Variants in SSBP3 observed in about 807,000 individuals in gnomAD.
SSBP3 encodes the protein single-stranded DNA-binding protein 3.
SSBP3 carries 5 observed loss-of-function variants against 69.6 expected under a neutral mutation model. That is an observed-to-expected ratio of 0.07 (90% CI 0.04 to 0.15). The LOEUF (loss-of-function observed/expected upper bound fraction) is 0.15, where lower values mean the gene tolerates loss of function less well. Among genes scored for constraint, SSBP3 ranks in the 10% least tolerant of loss-of-function variants. The pLI is 1.00. For missense variants in SSBP3, 312 were observed against 534.0 expected (o/e 0.58, Z 4.10); for synonymous variants, 196 against 193.4 (o/e 1.01, Z -0.11).
At chr1:54,408,896 C>T (rs1291555197), upstream of SSBP3, among the ~76,000 whole-genome samples, 1 of 152,152 alleles carries the variant, frequency 6.6e-6, no homozygotes, top group Non-Finnish European at 1.5e-5. Context: ...GTTGGTAGAT[C>T]CCTTGTTGGA....
chr1:54,277,165 A>G (rs1427508158), intron 5 of SSBP3, among the ~76,000 whole-genome samples: 1 of 151,288 alleles, frequency 6.6e-6, no homozygotes, highest in Non-Finnish European at 1.5e-5. Flanking sequence ...GGACTACATC[A>G]GGGATGGCAA....
intron 4 of SSBP3, among the ~76,000 whole-genome samples, chr1:54,312,945 G>C (rs1438525769): frequency 1.3e-5 from 2 of 152,100 alleles, no homozygotes; most frequent in Non-Finnish European, 2.9e-5. Context: ...CCAGGAGGGG[G>C]TGGGATGGGA....
At chr1:54,243,046 C>T in intron 10 of SSBP3, 189 bp downstream of exon 10, 1 of 630,304 alleles carries the variant, frequency 1.6e-6, no homozygotes, top group South Asian at 2.0e-5. Flanking sequence ...CCGTGCCCGG[C>T]ACACAGAGGC....
At chr1:54,239,995 C>G (rs942476896) in intron 13 of SSBP3, among the ~76,000 whole-genome samples, 2 of 151,678 alleles carry the variant, frequency 1.3e-5, no homozygotes, top group Non-Finnish European at 2.9e-5. Context: ...TGAATTCCTT[C>G]TAGCTGGCTG....
intron 4 of SSBP3, among the ~76,000 whole-genome samples, chr1:54,308,155 A>G (rs1286527990): frequency 1.3e-5 from 2 of 152,190 alleles, no homozygotes; most frequent in Non-Finnish European, 1.5e-5. Flanking sequence ...GATGCTCTTC[A>G]ATAATTAAAA....
chr1:54,373,767 A>G (rs1647173735), intron 4 of SSBP3, among the ~76,000 whole-genome samples: 1 of 149,936 alleles, frequency 6.7e-6, no homozygotes, highest in South Asian at 2.1e-4. Flanking sequence ...ACCCTGTTTC[A>G]AGAAAAAAAA....
At chr1:54,239,087 G>A (rs918637498) in intron 14 of SSBP3, 42 bp downstream of exon 14, 3 of 1,527,506 alleles carry the variant, frequency 2.0e-6, no homozygotes, top group South Asian at 2.3e-5. Context: ...ATTATGATTT[G>A]TTATGGTGTC....
At chr1:54,411,314 C>A (rs1649983176), upstream of SSBP3, among the ~76,000 whole-genome samples, 1 of 151,872 alleles carries the variant, frequency 6.6e-6, no homozygotes, top group Non-Finnish European at 1.5e-5. Flanking sequence ...CCCGTCTCTA[C>A]TAAGAATAGA....
intron 4 of SSBP3, among the ~76,000 whole-genome samples, chr1:54,334,115 A>G (rs11804049): frequency 0.16 from 24,608 of 151,980 alleles, 2,066 homozygotes; most frequent in South Asian, 0.24. Flanking sequence ...GCACTTTGGG[A>G]GGCCGAGGCG....
chr1:54,411,829 T>C (rs1331077280), intron 1 of SSBP3, among the ~76,000 whole-genome samples: 1 of 149,392 alleles, frequency 6.7e-6, no homozygotes, highest in Admixed American at 6.7e-5. Flanking sequence ...GAGGCGGAGC[T>C]TGCAGTGAGC....
intron 9 of SSBP3, among the ~76,000 whole-genome samples, chr1:54,244,101 C>T (rs960134828): frequency 1.3e-5 from 2 of 151,182 alleles, no homozygotes; most frequent in Non-Finnish European, 3.0e-5. Context: ...AACTAATTTT[C>T]GATGATTTTT....
In SSBP3 at chr1:54,308,774, AAAG is replaced by A. The variant is rs201786293; in HGVS notation, c.277-27250_277-27248del. Among the ~76,000 whole-genome samples the A allele has an allele frequency of 7.2e-3, 1,087 of 152,020 alleles. 19 individuals carry two copies. Among genetic ancestry groups the A allele is most frequent in the East Asian group, 0.057 (295 of 5,146 alleles). ...CAGAGCGAGACTCAGTCTCAAAAAA[AAAG>A]AAGAAGAAGAAGAAGAATAGGATAA... On this transcript the variant is annotated intron_variant, in intron 4 of 17. Coordinates refer to ENST00000610401, the Ensembl canonical transcript of SSBP3.
At chr1:54,300,802 G>T (rs1557510707) in intron 4 of SSBP3, among the ~76,000 whole-genome samples, 1 of 152,172 alleles carries the variant, frequency 6.6e-6, no homozygotes, top group Non-Finnish European at 1.5e-5. Flanking sequence ...GATACTGAAA[G>T]AACTCCAAAA....
intron 6 of SSBP3, among the ~76,000 whole-genome samples, chr1:54,257,419 G>A (rs1240131663): frequency 1.3e-5 from 2 of 151,984 alleles, no homozygotes; most frequent in Non-Finnish European, 2.9e-5. Context: ...ATCTACTCTG[G>A]GTGGGAAGGG....
chr1:54,408,931 C>T (rs144590930), upstream of SSBP3, among the ~76,000 whole-genome samples: 19 of 152,206 alleles, frequency 1.2e-4, 1 homozygote, highest in East Asian at 3.7e-3. Flanking sequence ...TGAGAGGGCC[C>T]GGGCAGAGAG....
At chr1:54,305,807 G>C (rs529185211) in intron 4 of SSBP3, among the ~76,000 whole-genome samples, 1 of 149,678 alleles carries the variant, frequency 6.7e-6, no homozygotes, top group Non-Finnish European at 1.5e-5. Flanking sequence ...AGAAACTCTC[G>C]CTTGGATTTG....
At chr1:54,390,410 TGAA>T (rs773653552) in intron 4 of SSBP3, among the ~76,000 whole-genome samples, 8 of 152,156 alleles carry the variant, frequency 5.3e-5, no homozygotes, top group East Asian at 1.9e-4. Flanking sequence ...CAGCTCTCTC[TGAA>T]GAAGACGCTG....
At position 54,310,481 on chromosome 1, in the gene SSBP3, T is replaced by C. The variant is rs528785184; in HGVS notation, c.277-28954A>G. ...GGACACACCTTCCCAGGGGTTAATTTTAAGAAGGGTTTTTAATTGAGCTAC... is the reference window on the plus strand; with the variant it reads ...GGACACACCTTCCCAGGGGTTAATTCTAAGAAGGGTTTTTAATTGAGCTAC... On this transcript the variant is annotated intron_variant, in intron 4 of 17. Transcript: ENST00000610401. Among the ~76,000 whole-genome samples the C allele has an allele frequency of 2.0e-3, 306 of 152,172 alleles. 2 individuals are homozygous for C. Among genetic ancestry groups the C allele is most frequent in the Non-Finnish European group, 3.1e-3 (208 of 67,994 alleles).
At chr1:54,285,113 GT>G (rs1645464753) in intron 4 of SSBP3, among the ~76,000 whole-genome samples, 1 of 152,162 alleles carries the variant, frequency 6.6e-6, no homozygotes, top group African/African-American at 2.4e-5. Flanking sequence ...AAACTAAGTC[GT>G]CCTGCAGTGC....
Sources: gnomAD v4.1 joint callset for allele counts (sites outside exome capture counted in the v4.1 genomes callset) on GRCh38, gnomAD v4.1.1 for gene constraint, MANE v1.5 for transcripts, NCBI Gene and HGNC (gene_info 2026-07-23, HGNC 2026-07-21) for gene names.